The following SOX6 variants were observed in gnomAD, a reference collection of about 807,000 sequenced individuals.
SOX6 encodes transcription factor SOX-6.
Under a neutral mutation model 97.8 loss-of-function variants are expected in SOX6, and 11 were observed. The observed-to-expected ratio is 0.11, with a 90% CI of 0.07 to 0.19. The LOEUF is 0.19. SOX6 is among the 10% of genes least tolerant of loss of function. The pLI is 1.00. For synonymous variants in SOX6, 360 were observed against 371.4 expected (o/e 0.97, Z 0.35); for missense variants, 810 against 1,039.5 (o/e 0.78, Z 3.04).
At chr11:16,144,501 G>A (rs1850236481) in intron 6 of SOX6, among the ~76,000 whole-genome samples, 1 of 152,124 alleles carries the variant, frequency 6.6e-6, no homozygotes, top group Admixed American at 6.5e-5. Flanking sequence ...ACTAAGATCA[G>A]AGCAGAACTG....
intron 2 of SOX6, among the ~76,000 whole-genome samples, chr11:16,330,641 A>G (rs1266918252): frequency 6.6e-6 from 1 of 152,214 alleles, no homozygotes; most frequent in African/African-American, 2.4e-5. Context: ...TCATCTGGCA[A>G]TTCATTAGTA....
chr11:16,562,102 C>T (rs763313569), intron 4 of SOX6, among the ~76,000 whole-genome samples: 3 of 152,136 alleles, frequency 2.0e-5, no homozygotes, highest in Non-Finnish European at 2.9e-5. Flanking sequence ...TAATGTGATT[C>T]CTCTGAAGTC....
chr11:16,711,733 C>G (rs1220551526), intron 3 of SOX6, among the ~76,000 whole-genome samples: 1 of 151,318 alleles, frequency 6.6e-6, no homozygotes, highest in East Asian at 1.9e-4. Flanking sequence ...TCTTTTTTTC[C>G]ATAAGTGATT....
At chr11:16,122,007 T>G (rs1849505562) in intron 6 of SOX6, among the ~76,000 whole-genome samples, 1 of 152,038 alleles carries the variant, frequency 6.6e-6, no homozygotes, top group African/African-American at 2.4e-5. Context: ...TTATTACTCC[T>G]TAAGGATCTA....
At chr11:16,453,263 T>A (rs1384774143) in intron 1 of SOX6, among the ~76,000 whole-genome samples, 3 of 152,156 alleles carry the variant, frequency 2.0e-5, no homozygotes, top group Non-Finnish European at 4.4e-5. Flanking sequence ...GGGACTGTTA[T>A]TATTTTAGGC....
At chr11:16,566,110 A>G (rs539119410) in intron 4 of SOX6, among the ~76,000 whole-genome samples, 5 of 151,754 alleles carry the variant, frequency 3.3e-5, no homozygotes, top group Non-Finnish European at 7.4e-5. Context: ...AAAAAAAAAA[A>G]AAAGAAATAG....
At chr11:16,569,803 G>T (rs1037936044) in intron 4 of SOX6, among the ~76,000 whole-genome samples, 1 of 145,656 alleles carries the variant, frequency 6.9e-6, no homozygotes, top group African/African-American at 2.6e-5. Flanking sequence ...CGGGAGGTGG[G>T]GCTTGCAGTG....
chr11:16,514,609 A>C (rs547954087), intron 4 of SOX6, among the ~76,000 whole-genome samples: 1 of 151,956 alleles, frequency 6.6e-6, no homozygotes, highest in African/African-American at 2.4e-5. Flanking sequence ...GGTTAGTTAC[A>C]TAGGTATACA....
chr11:16,060,523 C>G (rs576872567), intron 9 of SOX6, among the ~76,000 whole-genome samples: 1 of 151,904 alleles, frequency 6.6e-6, no homozygotes, highest in South Asian at 2.1e-4. Flanking sequence ...AGAAGGTATT[C>G]ACAAAAATTA....
chr11:16,539,034 C>T (rs2133175631), intron 4 of SOX6, among the ~76,000 whole-genome samples: 1 of 152,296 alleles, frequency 6.6e-6, no homozygotes. Flanking sequence ...CTTCTCAGCA[C>T]CACATCGCAC....
At chr11:16,612,602 G>T (rs567803866) in intron 3 of SOX6, among the ~76,000 whole-genome samples, 80 of 151,836 alleles carry the variant, frequency 5.3e-4, no homozygotes, top group Middle Eastern at 3.4e-3. Context: ...GGGAGTGGGG[G>T]GATGGCGATG....
intron 1 of SOX6, among the ~76,000 whole-genome samples, chr11:16,472,572 AT>A (rs1323288491): frequency 6.6e-6 from 1 of 152,218 alleles, no homozygotes; most frequent in Non-Finnish European, 1.5e-5. Flanking sequence ...ACATCTAAAA[AT>A]AATAAAATGT....
At chr11:16,305,121 A>G (rs1314339986) in intron 3 of SOX6, among the ~76,000 whole-genome samples, 1 of 152,202 alleles carries the variant, frequency 6.6e-6, no homozygotes, top group Non-Finnish European at 1.5e-5. Flanking sequence ...TGTAAAGAGG[A>G]TAACAGACAA....
chr11:16,514,669 T>C (rs558093507), intron 4 of SOX6, among the ~76,000 whole-genome samples: 3 of 150,456 alleles, frequency 2.0e-5, no homozygotes, highest in Admixed American at 6.6e-5. Context: ...TAGCATTAGG[T>C]ATATCTCCCA....
chr11:16,452,526 T>C (rs371576313), intron 1 of SOX6, among the ~76,000 whole-genome samples: 5 of 152,208 alleles, frequency 3.3e-5, no homozygotes, highest in South Asian at 4.1e-4. Context: ...AAATGTTTTT[T>C]AAGCTTGATT....
intron 7 of SOX6, among the ~76,000 whole-genome samples, chr11:16,103,917 C>G (rs1849011411): frequency 6.6e-6 from 1 of 151,836 alleles, no homozygotes; most frequent in Non-Finnish European, 1.5e-5. Flanking sequence ...ATATTGGGTA[C>G]AGTGTACACT....
chr11:16,190,160 A>G (rs1851590151), intron 4 of SOX6, among the ~76,000 whole-genome samples: 1 of 152,234 alleles, frequency 6.6e-6, no homozygotes, highest in Non-Finnish European at 1.5e-5. Context: ...AACACCATTT[A>G]GCTGAATCCA....
At chr11:16,505,364 G>A (rs532473828) in intron 4 of SOX6, among the ~76,000 whole-genome samples, 2 of 152,272 alleles carry the variant, frequency 1.3e-5, no homozygotes, top group Non-Finnish European at 2.9e-5. Context: ...AGGGTATCTG[G>A]CAGAAGAAAA....
chr11:16,366,500 CAG>C (rs1267755894), intron 1 of SOX6, among the ~76,000 whole-genome samples: 1 of 152,046 alleles, frequency 6.6e-6, no homozygotes, highest in Non-Finnish European at 1.5e-5. Flanking sequence ...ATAATGATAA[CAG>C]ATATTGAGAA....
Sources: gnomAD v4.1 joint callset for allele counts (sites outside exome capture counted in the v4.1 genomes callset) on GRCh38, gnomAD v4.1.1 for gene constraint, MANE v1.5 for transcripts, NCBI Gene and HGNC (gene_info 2026-07-23, HGNC 2026-07-21) for gene names.